PCM1: variants seen among roughly 807,000 people sequenced by gnomAD.
PCM1 encodes pericentriolar material 1, also known as pericentriolar material 1 protein.
In PCM1, 157 loss-of-function variants were observed where a neutral mutation model predicts 241.9. That is an observed-to-expected ratio of 0.65 (90% CI 0.57 to 0.74). PCM1 has a LOEUF of 0.74. Among genes scored for constraint, PCM1 ranks in the 30% least tolerant of loss-of-function variants. PCM1 has a pLI of 0.00. For missense variants in PCM1, 3,478 were observed against 2,360.1 expected (o/e 1.47, Z -9.81); for synonymous variants, 1,085 against 784.9 (o/e 1.38, Z -6.39).
chr8:17,968,208 G>C (rs1246217000), intron 21 of PCM1, among the ~76,000 whole-genome samples: 1 of 152,180 alleles, frequency 6.6e-6, no homozygotes, highest in African/African-American at 2.4e-5. Context: ...GTATTTAAGT[G>C]TGGCTAGTAT....
intron 13 of PCM1, among the ~76,000 whole-genome samples, chr8:17,958,273 A>T (rs544594694): frequency 2.6e-5 from 4 of 152,172 alleles, no homozygotes; most frequent in African/African-American, 4.8e-5. Flanking sequence ...AGACTTCCTG[A>T]TACCAGAGCC....
chr8:17,963,382 C>T (rs957159858), intron 17 of PCM1, 91 bp downstream of exon 17: 1 of 831,632 alleles, frequency 1.2e-6, no homozygotes, highest in African/African-American at 1.8e-5. Flanking sequence ...CTCTACATCA[C>T]AGCACAAATC....
chr8:17,942,465 AT>A lies in PCM1; in HGVS notation c.783+2605del, dbSNP rs560529135. Among the ~76,000 whole-genome samples the A allele has an allele frequency of 3.0e-3, 452 of 152,254 alleles. 3 individuals carry two copies. Among genetic ancestry groups the A allele is most frequent in the African/African-American group, 0.01 (432 of 41,544 alleles). ...AGTGAGACTGCGTCTCAAAAAAAAA[AT>A]AATGAAATAAAAATAAATAAATTTA... On this transcript the variant is annotated intron_variant, in intron 6 of 38. Coordinates refer to ENST00000325083, the MANE Select transcript of PCM1 (RefSeq NM_006197.4).
chr8:18,012,074 A>T (rs1260614348), intron 34 of PCM1, among the ~76,000 whole-genome samples: 1 of 152,138 alleles, frequency 6.6e-6, no homozygotes, highest in Non-Finnish European at 1.5e-5. Context: ...CATTGCTCAT[A>T]GCCTCAAACT....
At chr8:18,017,982 G>C (rs1264169533) in intron 36 of PCM1, among the ~76,000 whole-genome samples, 2 of 152,204 alleles carry the variant, frequency 1.3e-5, no homozygotes, top group East Asian at 3.9e-4. Flanking sequence ...ACTAAGATCA[G>C]CATCAGTGGG....
At chr8:17,987,897 G>A (rs1337461602) in intron 26 of PCM1, among the ~76,000 whole-genome samples, 2 of 151,770 alleles carry the variant, frequency 1.3e-5, no homozygotes, top group Non-Finnish European at 3.0e-5. Context: ...ATAGCCATAT[G>A]GTGTTTTTTG....
At chr8:18,021,063 T>C (rs2283109) in intron 36 of PCM1, among the ~76,000 whole-genome samples, 69,207 of 152,020 alleles carry the variant, frequency 0.46, 17,559 homozygotes, top group Non-Finnish European at 0.59. Flanking sequence ...CTCCACAGAA[T>C]TGACCAAGAT....
chr8:17,971,446 A>T (rs1160561317), intron 22 of PCM1, among the ~76,000 whole-genome samples: 1 of 152,200 alleles, frequency 6.6e-6, no homozygotes, highest in Non-Finnish European at 1.5e-5. Flanking sequence ...ACTTTGTTTT[A>T]TGTGTTTTCT....
At chr8:17,991,046 AT>A (rs35010110) in intron 27 of PCM1, among the ~76,000 whole-genome samples, 11,361 of 144,658 alleles carry the variant, frequency 0.079, 611 homozygotes, top group African/African-American at 0.16. Flanking sequence ...ATTTACTGGT[AT>A]TTTTTTTTTT....
intron 17 of PCM1, among the ~76,000 whole-genome samples, 177 bp from the exon 18 acceptor site, chr8:17,964,391 T>A (rs959303368): frequency 6.6e-6 from 1 of 152,238 alleles, no homozygotes; most frequent in African/African-American, 2.4e-5. Flanking sequence ...ACTAAACATA[T>A]TCTGTATATA....
chr8:17,966,821 T>C (rs556069507), intron 20 of PCM1, among the ~76,000 whole-genome samples, 159 bp from the exon 21 acceptor site: 3 of 152,374 alleles, frequency 2.0e-5, no homozygotes, highest in African/African-American at 7.2e-5. Flanking sequence ...GGGAAAGTTA[T>C]TGAATTAAGC....
Position 17,969,443 on chromosome 8 carries a change from CT to C in PCM1, c.3413-124del, listed in dbSNP as rs879815188. The C allele has an allele frequency of 8.3e-3, 4,861 of 585,900 alleles. 1 individual carries two copies. Among genetic ancestry groups the C allele is most frequent in the East Asian group, 9.8e-3 (289 of 29,484 alleles). 36.3% of individuals were successfully genotyped at this position (585,900 alleles called of 1,614,324 possible). ...TGAACAGTGATTGGATAAATATTAG[CT>C]TTTTTTTTTAATTAACAGTTTTTTG... On this transcript the variant is annotated intron_variant, in intron 21 of 38. Coordinates refer to ENST00000325083, the MANE Select transcript of PCM1 (RefSeq NM_006197.4).
chr8:17,998,992 T>G (rs117850537), intron 29 of PCM1, among the ~76,000 whole-genome samples: 2,601 of 152,110 alleles, frequency 0.017, 42 homozygotes, highest in South Asian at 0.045. Flanking sequence ...GCCCAAGGGC[T>G]TTTTAGTCAG....
At chr8:17,942,293 C>A (rs1421953276) in intron 6 of PCM1, among the ~76,000 whole-genome samples, 3 of 151,978 alleles carry the variant, frequency 2.0e-5, no homozygotes, top group African/African-American at 7.3e-5. Context: ...ATGGCGAAAC[C>A]CTGTCTCTAC....
intron 6 of PCM1, among the ~76,000 whole-genome samples, chr8:17,940,606 C>T (rs1586061034): frequency 1.3e-5 from 2 of 152,202 alleles, no homozygotes; most frequent in Middle Eastern, 3.4e-3. Context: ...TGGGCTCTAT[C>T]CTAGTACTGG....
rs375693556 is a variant in PCM1 at position 18,009,802 on chromosome 8, CATT to C, written c.5160+66_5160+68del. 1.3e-4 allele frequency: 135 copies of C among 1,061,124 alleles called. No homozygotes were observed. In the African/African-American group the frequency reaches 1.9e-3, roughly 15 times the overall value. 65.7% of individuals were successfully genotyped at this position (1,061,124 alleles called of 1,614,324 possible). ...TTGACACATAAATACAGTTCTTGATCATTATTATTAACTGAAATCACATTTTAC... is the reference window on the plus strand; with the variant it reads ...TTGACACATAAATACAGTTCTTGATCATTATTAACTGAAATCACATTTTAC... On this transcript the variant is annotated intron_variant, in intron 31 of 38. Coordinates refer to ENST00000325083, the MANE Select transcript of PCM1 (RefSeq NM_006197.4).
chr8:17,998,686 G>T (rs952614100), intron 29 of PCM1, among the ~76,000 whole-genome samples: 4 of 152,112 alleles, frequency 2.6e-5, no homozygotes, highest in African/African-American at 9.7e-5. Flanking sequence ...GCCTAAATTT[G>T]CCTAAATTCG....
rs75159662 is a variant in PCM1 at position 17,945,448 on chromosome 8, T to G, written c.784-1738T>G. On this transcript the variant is annotated intron_variant, in intron 6 of 38. Coordinates refer to ENST00000325083, the MANE Select transcript of PCM1 (RefSeq NM_006197.4). ...ATGCTCATGAAGTCTAGAGATAGTC[T>G]AGGATAGAGAGGCACTGACTAGGCA... Among the ~76,000 whole-genome samples, 856 of 152,272 alleles carry G rather than the reference T, an allele frequency of 5.6e-3. 12 individuals carry two copies. Among genetic ancestry groups the G allele is most frequent in the African/African-American group, 0.02 (829 of 41,560 alleles).
chr8:18,027,412 T>C (rs1234869445), intron 38 of PCM1, among the ~76,000 whole-genome samples: 2 of 152,242 alleles, frequency 1.3e-5, no homozygotes, highest in South Asian at 4.1e-4. Context: ...GTGGAGTGTT[T>C]TTAGAGAGAC....
Sources: gnomAD v4.1 joint callset for allele counts (sites outside exome capture counted in the v4.1 genomes callset) on GRCh38, gnomAD v4.1.1 for gene constraint, MANE v1.5 for transcripts, NCBI Gene and HGNC (gene_info 2026-07-23, HGNC 2026-07-21) for gene names.